DDI2: variants seen among roughly 807,000 people sequenced by gnomAD.
DDI2 encodes protein DDI1 homolog 2.
DDI2 carries 5 observed loss-of-function variants against 48.1 expected under a neutral mutation model. The ratio of observed to expected loss-of-function variants is 0.10; its 90% CI spans 0.05 to 0.22. The LOEUF is 0.22. DDI2 is among the 10% of genes least tolerant of loss of function. The pLI is 1.00. For synonymous variants in DDI2, 205 were observed against 183.6 expected, an observed-to-expected ratio of 1.12 and a Z score of -0.94; for missense variants, 285 against 506.2, an observed-to-expected ratio of 0.56 and a Z score of 4.19.
At position 15,661,246 on chromosome 1, in the gene DDI2, GTC is replaced by G; in HGVS notation, c.*1457_*1458del. On this transcript the variant is annotated 3_prime_UTR_variant, in exon 10 of 10. Coordinates refer to ENST00000480945, the MANE Select transcript of DDI2 (RefSeq NM_032341.5). Reference sequence around the variant, plus strand: ...TGGCCTGTCAACCGATAAGGAAGGTGTCCCCAAATCTAGGGAATCCATAAATA... The same window carrying G: ...TGGCCTGTCAACCGATAAGGAAGGTGCCCAAATCTAGGGAATCCATAAATA... The G allele has an allele frequency of 6.2e-7, 1 of 1,614,196 alleles. No individual in the cohort carries two copies. The highest frequency in any genetic ancestry group is 1.3e-5 in the African/African-American group (1 of 75,064).
rs1298537065 is a variant in DDI2 at position 15,666,915 on chromosome 1, A to G, written c.*7125A>G. The G allele has an allele frequency of 2.0e-5, 3 of 152,192 alleles. No individual in the cohort carries two copies. The highest frequency in any genetic ancestry group is 7.2e-5 in the African/African-American group (3 of 41,432). The allele number at this position is 152,192 out of a possible 1,614,324, so 9.4% of individuals were successfully genotyped here. A position where few individuals can be genotyped will look rare whatever the true frequency, so the allele number is the denominator to read the frequency against. On this transcript the variant is annotated 3_prime_UTR_variant, in exon 10 of 10. Transcript: ENST00000480945. ...TGTGGGCCTAAAACAGCTCTTTAAA[A>G]ATCTATTTTTTTAGGCCAGGTGCGT...
At chr1:15,627,552 C>T (rs769450953) in intron 2 of DDI2, among the ~76,000 whole-genome samples, 101 of 152,256 alleles carry the variant, frequency 6.6e-4, no homozygotes, top group South Asian at 2.3e-3. Context: ...TTCTATGTCA[C>T]TGAAATAATA....
At chr1:15,635,834 C>T (rs1639919579) in intron 4 of DDI2, among the ~76,000 whole-genome samples, 1 of 152,090 alleles carries the variant, frequency 6.6e-6, no homozygotes, top group Non-Finnish European at 1.5e-5. Context: ...GGTTGGAGTC[C>T]ATGCAAGATG....
chr1:15,625,709 C>T (rs1397515793), intron 1 of DDI2, among the ~76,000 whole-genome samples: 1 of 152,310 alleles, frequency 6.6e-6, no homozygotes, highest in African/African-American at 2.4e-5. Flanking sequence ...ACCTTTGCCT[C>T]CCGGGTTTAA....
chr1:15,660,620 T>G lies in DDI2; in HGVS notation c.*830T>G, dbSNP rs1570994971. The G allele has an allele frequency of 8.7e-6, 14 of 1,614,126 alleles. No individual in the cohort carries two copies. Among genetic ancestry groups the G allele is most frequent in the Non-Finnish European group, 1.2e-5 (14 of 1,180,020 alleles). On this transcript the variant is annotated 3_prime_UTR_variant, in exon 10 of 10. Transcript: ENST00000480945. ...TCAAATTCAGAAACATTTATGGAAA[T>G]CGATACAGCTCAACAGTCCCTAGTT...
At position 15,664,769 on chromosome 1, in the gene DDI2, C is replaced by T. The variant is rs1640427127; in HGVS notation, c.*4979C>T. On this transcript the variant is annotated 3_prime_UTR_variant, in exon 10 of 10. Transcript: ENST00000480945. ...TCTTCACCAGAGAGAGAAGATTTTC[C>T]TGTGTAATTTGTGCCATTTCCCTGA... 1 of 152,230 alleles carries T rather than the reference C, an allele frequency of 6.6e-6. No homozygotes were observed. Among genetic ancestry groups the T allele is most frequent in the Non-Finnish European group, 1.5e-5 (1 of 68,058 alleles). 9.4% of individuals were successfully genotyped at this position (152,230 alleles called of 1,614,324 possible). A position where few individuals can be genotyped will look rare whatever the true frequency, so the allele number is the denominator to read the frequency against.
chr1:15,636,483 CAA>C (rs535778372), intron 4 of DDI2, among the ~76,000 whole-genome samples: 6 of 142,336 alleles, frequency 4.2e-5, no homozygotes, highest in Admixed American at 7.1e-5. Flanking sequence ...TAAAACAGGG[CAA>C]AAAAAAAAAA....
chr1:15,617,902 G>A (rs1340692684), intron 1 of DDI2, 94 bp downstream of exon 1: 2 of 1,384,616 alleles, frequency 1.4e-6, no homozygotes, highest in Non-Finnish European at 1.9e-6. Flanking sequence ...AAGAATTGGG[G>A]GCTGGGGGGA....
chr1:15,627,461 A>G (rs1639775708), intron 2 of DDI2, among the ~76,000 whole-genome samples: 1 of 152,226 alleles, frequency 6.6e-6, no homozygotes, highest in South Asian at 2.1e-4. Context: ...AATCACATAC[A>G]AAGAAACGTT....
At chr1:15,634,083 C>T (rs1172389782) in intron 4 of DDI2, 1 of 209,694 alleles carries the variant, frequency 4.8e-6, no homozygotes, top group Non-Finnish European at 9.8e-6. Context: ...GAATGCTGGA[C>T]ATGTTTCCAG....
At chr1:15,646,207 C>T (rs1036667675) in intron 6 of DDI2, among the ~76,000 whole-genome samples, 4 of 152,202 alleles carry the variant, frequency 2.6e-5, no homozygotes, top group African/African-American at 7.2e-5. Flanking sequence ...GCGGCCTTCC[C>T]GCCAGCCTTG....
chr1:15,619,368 T>A (rs1639619366), intron 1 of DDI2, among the ~76,000 whole-genome samples: 1 of 152,046 alleles, frequency 6.6e-6, no homozygotes, highest in South Asian at 2.1e-4. Context: ...TCTAGTGATC[T>A]GCCCGCCTCG....
chr1:15,648,558 T>G (rs1640125510), intron 6 of DDI2, among the ~76,000 whole-genome samples: 1 of 152,164 alleles, frequency 6.6e-6, no homozygotes, highest in Non-Finnish European at 1.5e-5. Flanking sequence ...AACATTGCCT[T>G]CTAGATATCA....
intron 1 of DDI2, among the ~76,000 whole-genome samples, chr1:15,625,469 A>G (rs1289382537): frequency 6.6e-6 from 1 of 152,154 alleles, no homozygotes; most frequent in Non-Finnish European, 1.5e-5. Context: ...TGTTCTTTCT[A>G]TCTGCAACAC....
At chr1:15,633,715 C>A in intron 4 of DDI2, 150 bp downstream of exon 4, 1 of 1,155,704 alleles carries the variant, frequency 8.7e-7, no homozygotes, top group Non-Finnish European at 1.3e-6. Context: ...TTAGTCTCTC[C>A]TCTTTCATTT....
At chr1:15,652,829 A>T (rs1278770720) in intron 8 of DDI2, among the ~76,000 whole-genome samples, 5 of 151,682 alleles carry the variant, frequency 3.3e-5, no homozygotes, top group Admixed American at 6.6e-5. Flanking sequence ...TCTCAAAAAA[A>T]AATAATAATA....
intron 1 of DDI2, among the ~76,000 whole-genome samples, chr1:15,622,416 A>G (rs957830684): frequency 9.9e-5 from 15 of 152,208 alleles, no homozygotes; most frequent in Non-Finnish European, 2.2e-4. Context: ...ACCTGACCTC[A>G]TGCTTAAAAG....
chr1:15,654,970 C>G (rs1640249809), intron 8 of DDI2, among the ~76,000 whole-genome samples: 1 of 146,124 alleles, frequency 6.8e-6, no homozygotes, highest in Non-Finnish European at 1.5e-5. Flanking sequence ...CCTCCACAGT[C>G]TTGGTGCCAT....
chr1:15,660,856 T>A lies in DDI2; in HGVS notation c.*1066T>A, dbSNP rs1209123448. 5.6e-6 allele frequency: 9 copies of A among 1,614,170 alleles called. No homozygotes were observed. Among genetic ancestry groups the A allele is most frequent in the Non-Finnish European group, 6.8e-6 (8 of 1,180,030 alleles). On this transcript the variant is annotated 3_prime_UTR_variant, in exon 10 of 10. Coordinates refer to ENST00000480945, the MANE Select transcript of DDI2 (RefSeq NM_032341.5). ...AACAAATAAAGAATATGGCCATTAC[T>A]CCTCTCCAAGTCTCTGTGGCAGTTG... is the stretch of plus-strand genomic sequence containing the variant.
Sources: allele counts gnomAD v4.1 joint callset (sites outside exome capture counted in the v4.1 genomes callset), GRCh38; gene constraint gnomAD v4.1.1; transcripts MANE v1.5; gene names NCBI Gene and HGNC (gene_info 2026-07-23, HGNC 2026-07-21).